Variants in MED12L observed in about 807,000 individuals in gnomAD.
The protein encoded by MED12L is mediator of RNA polymerase II transcription subunit 12-like protein.
In MED12L, 60 loss-of-function variants were observed where a neutral mutation model predicts 281.3. That is an observed-to-expected ratio of 0.21 (90% confidence interval 0.17 to 0.26). The LOEUF is 0.26. Ranked by LOEUF, MED12L falls within the 10% of genes least tolerant of loss-of-function variation. The pLI is 1.00. For missense variants in MED12L, 2,146 were observed against 2,680.9 expected, an observed-to-expected ratio of 0.80 and a Z score of 4.41; for synonymous variants, 974 against 987.2, an observed-to-expected ratio of 0.99 and a Z score of 0.25.
At chr3:151,302,321 A>T (rs181661045) in intron 16 of MED12L, among the ~76,000 whole-genome samples, 2 of 152,332 alleles carry the variant, frequency 1.3e-5, no homozygotes, top group East Asian at 3.9e-4. Flanking sequence ...CTAACTAAAG[A>T]TAAGGAGTTA....
intron 16 of MED12L, among the ~76,000 whole-genome samples, chr3:151,321,478 T>C (rs1748990716): frequency 6.6e-6 from 1 of 152,180 alleles, no homozygotes; most frequent in Non-Finnish European, 1.5e-5. Flanking sequence ...TATGTGTATA[T>C]ATGATATAAA....
chr3:151,228,801 T>TA (rs1454722737), intron 16 of MED12L, among the ~76,000 whole-genome samples: 1 of 152,218 alleles, frequency 6.6e-6, no homozygotes, highest in Non-Finnish European at 1.5e-5. Flanking sequence ...CTCCTGGAAC[T>TA]AGGTTGAGCT....
intron 2 of MED12L, among the ~76,000 whole-genome samples, chr3:151,098,022 A>G (rs1055778466): frequency 2.0e-5 from 3 of 152,226 alleles, no homozygotes; most frequent in African/African-American, 4.8e-5. Context: ...GGAGCAGCAC[A>G]TGCAAAGGGT....
chr3:151,236,186 T>C (rs1293948968), intron 16 of MED12L, among the ~76,000 whole-genome samples: 1 of 152,238 alleles, frequency 6.6e-6, no homozygotes, highest in Non-Finnish European at 1.5e-5. Context: ...TGAATATTTA[T>C]GGAATTTCAG....
At chr3:151,285,573 G>A (rs1248456445) in intron 16 of MED12L, among the ~76,000 whole-genome samples, 1 of 151,914 alleles carries the variant, frequency 6.6e-6, no homozygotes, top group East Asian at 1.9e-4. Flanking sequence ...ACTACACATT[G>A]GGTACATTGT....
At position 151,411,450 on chromosome 3, in the gene MED12L, G is replaced by A; in HGVS notation, c.6083G>A (p.Ser2028Asn). The A allele has an allele frequency of 1.2e-6, 2 of 1,614,190 alleles. No homozygotes were observed. The highest frequency in any genetic ancestry group is 3.3e-4 in the Middle Eastern group (2 of 6,062). Residue 2028 changes from serine to asparagine, a missense_variant, in exon 41 of 45, where the codon AGT becomes AAT. By Grantham distance (46) the Ser-to-Asn change is conservative. This residue lies in a region of MED12L where 496 missense variants were observed against 512.0 expected (regional missense o/e 0.97). Coordinates refer to ENST00000687756, the MANE Select transcript of MED12L (RefSeq NM_001393769.1). ...ERLRQIQQQP[S>N]GYVQQQASPY... ...CTCAGACAGATTCAGCAGCAGCCGA[G>A]TGGCTATGTTCAGCAGCAGGCCTCG...
chr3:151,117,760 T>A (rs970592881), intron 3 of MED12L, among the ~76,000 whole-genome samples: 5 of 151,856 alleles, frequency 3.3e-5, no homozygotes, highest in Non-Finnish European at 2.9e-5. Flanking sequence ...AAAATTTTTT[T>A]AAAATTAAAT....
At chr3:151,182,490 G>T (rs1056558871) in intron 11 of MED12L, among the ~76,000 whole-genome samples, 1 of 152,208 alleles carries the variant, frequency 6.6e-6, no homozygotes, top group Admixed American at 6.5e-5. Context: ...TTGCAAGGGT[G>T]GCCAGGGAGC....
chr3:151,121,398 C>G (rs1713730658), intron 3 of MED12L, among the ~76,000 whole-genome samples: 1 of 152,190 alleles, frequency 6.6e-6, no homozygotes, highest in African/African-American at 2.4e-5. Context: ...GGCATTACAT[C>G]AATCACAAAG....
At chr3:151,417,812 G>A (rs1227291560) in intron 43 of MED12L, among the ~76,000 whole-genome samples, 1 of 152,110 alleles carries the variant, frequency 6.6e-6, no homozygotes, top group Non-Finnish European at 1.5e-5. Context: ...TATGGATCTA[G>A]TTTTTCCAGC....
chr3:151,266,742 A>C (rs1045266997), intron 16 of MED12L, among the ~76,000 whole-genome samples: 1 of 152,220 alleles, frequency 6.6e-6, no homozygotes, highest in Non-Finnish European at 1.5e-5. Flanking sequence ...GGAAAAATAA[A>C]GCATACATGC....
Position 151,156,149 on chromosome 3 carries a change from T to C in MED12L, c.557-12T>C. ...GTCTAGAAACTCATATTTTTCTTTTTTTAAAATGCAGAGTGGACACAGATA... is the reference window on the plus strand; with the variant it reads ...GTCTAGAAACTCATATTTTTCTTTTCTTAAAATGCAGAGTGGACACAGATA... On this transcript the variant is annotated splice_polypyrimidine_tract_variant and intron_variant, in intron 5 of 44. Transcript: ENST00000687756. The C allele has an allele frequency of 6.3e-7, 1 of 1,578,058 alleles. No homozygotes were observed. The highest frequency in any genetic ancestry group is 8.6e-7 in the Non-Finnish European group (1 of 1,164,622).
intron 30 of MED12L, 25 bp from the exon 31 acceptor site, chr3:151,377,987 G>A (rs755489653): frequency 6.4e-6 from 10 of 1,574,634 alleles, no homozygotes; most frequent in Middle Eastern, 3.8e-4. Flanking sequence ...GCTTTCTCCG[G>A]TGTAACACCT....
intron 16 of MED12L, among the ~76,000 whole-genome samples, chr3:151,242,778 C>T (rs932002888): frequency 1.3e-5 from 2 of 152,050 alleles, no homozygotes; most frequent in Non-Finnish European, 2.9e-5. Context: ...ATGACTTTGA[C>T]GAGCTGAGAG....
At chr3:151,354,135 C>T (rs1443928730) in intron 17 of MED12L, among the ~76,000 whole-genome samples, 3 of 77,786 alleles carry the variant, frequency 3.9e-5, no homozygotes, top group East Asian at 1.2e-3. Context: ...AGCGAGACTC[C>T]GTCTCAAAAA....
At chr3:151,168,424 C>T (rs927667230) in intron 11 of MED12L, among the ~76,000 whole-genome samples, 1 of 152,094 alleles carries the variant, frequency 6.6e-6, no homozygotes, top group African/African-American at 2.4e-5. Context: ...CGGAAGCTTC[C>T]CCTACCTGAG....
intron 16 of MED12L, among the ~76,000 whole-genome samples, chr3:151,215,556 G>A (rs919474004): frequency 2.0e-5 from 3 of 152,134 alleles, no homozygotes; most frequent in Non-Finnish European, 4.4e-5. Flanking sequence ...GCTGTGCTAG[G>A]TGTTATCCAG....
At chr3:151,167,436 A>G (rs183559030) in intron 11 of MED12L, among the ~76,000 whole-genome samples, 6 of 152,220 alleles carry the variant, frequency 3.9e-5, no homozygotes, top group African/African-American at 1.2e-4. Context: ...GGCTTTTGGG[A>G]ATGCATATGT....
At chr3:151,182,233 G>A (rs1405001236) in intron 11 of MED12L, among the ~76,000 whole-genome samples, 3 of 151,814 alleles carry the variant, frequency 2.0e-5, no homozygotes, top group Non-Finnish European at 2.9e-5. Flanking sequence ...TTTAAAATTC[G>A]TTCAGACTGC....
Sources: allele counts gnomAD v4.1 joint callset (sites outside exome capture counted in the v4.1 genomes callset), GRCh38; gene constraint gnomAD v4.1.1; regional missense constraint gnomAD v4.1.1; transcripts MANE v1.5; gene names NCBI Gene and HGNC (gene_info 2026-07-23, HGNC 2026-07-21).